CNTNAP4: variants seen among roughly 807,000 people sequenced by gnomAD.
The protein encoded by CNTNAP4 is contactin-associated protein-like 4.
Under a neutral mutation model 148.4 loss-of-function variants are expected in CNTNAP4, and 98 were observed. The observed-to-expected ratio is 0.66, with a 90% CI of 0.56 to 0.78. CNTNAP4 has a LOEUF of 0.78. Ranked by LOEUF, CNTNAP4 falls within the 30% of genes least tolerant of loss-of-function variation. The pLI, the probability that CNTNAP4 is intolerant of heterozygous loss-of-function variation, is 0.00. For synonymous variants in CNTNAP4, 730 were observed against 565.1 expected (o/e 1.29, Z -4.14); for missense variants, 1,935 against 1,565.6 (o/e 1.24, Z -3.98).
chr16:76,369,630 C>T (rs139820270), intron 3 of CNTNAP4, among the ~76,000 whole-genome samples: 184 of 152,240 alleles, frequency 1.2e-3, no homozygotes, highest in African/African-American at 3.8e-3. Context: ...TTACTTGAGC[C>T]CAGAAGTTCA....
At chr16:76,383,467 C>G (rs991176837) in intron 3 of CNTNAP4, among the ~76,000 whole-genome samples, 5 of 141,188 alleles carry the variant, frequency 3.5e-5, no homozygotes, top group African/African-American at 1.3e-4. Context: ...CATTATAGAA[C>G]AAATGGGGCC....
intron 23 of CNTNAP4, among the ~76,000 whole-genome samples, chr16:76,556,105 T>C (rs1268466883): frequency 2.0e-5 from 3 of 152,178 alleles, no homozygotes; most frequent in African/African-American, 7.2e-5. Context: ...AATCCCCCTA[T>C]GTTCTACATC....
intron 3 of CNTNAP4, among the ~76,000 whole-genome samples, chr16:76,364,267 G>GA (rs2013833775): frequency 2.1e-5 from 2 of 95,858 alleles, no homozygotes; most frequent in African/African-American, 7.4e-5. Flanking sequence ...AAACAGAAAA[G>GA]AAAAAATATA....
At chr16:76,408,305 T>C (rs984082728) in intron 3 of CNTNAP4, among the ~76,000 whole-genome samples, 1 of 147,968 alleles carries the variant, frequency 6.8e-6, no homozygotes, top group Non-Finnish European at 1.5e-5. Flanking sequence ...TATTAGCTTG[T>C]AAATTACTAA....
chr16:76,546,708 C>T (rs2084750503), intron 21 of CNTNAP4, among the ~76,000 whole-genome samples: 1 of 152,132 alleles, frequency 6.6e-6, no homozygotes, highest in Non-Finnish European at 1.5e-5. Flanking sequence ...TGTAGAAAAC[C>T]TGTCTTCCTT....
intron 4 of CNTNAP4, among the ~76,000 whole-genome samples, chr16:76,436,541 C>A (rs1299265896): frequency 6.6e-6 from 1 of 152,110 alleles, no homozygotes; most frequent in Non-Finnish European, 1.5e-5. Context: ...AGATTTGAGA[C>A]CCACTATCTG....
At chr16:76,378,384 T>C (rs2015638870) in intron 3 of CNTNAP4, among the ~76,000 whole-genome samples, 2 of 152,240 alleles carry the variant, frequency 1.3e-5, no homozygotes, top group African/African-American at 2.4e-5. Flanking sequence ...ACATGTTCTT[T>C]GTAGTAGCCT....
intron 17 of CNTNAP4, among the ~76,000 whole-genome samples, chr16:76,526,007 A>G (rs553662285): frequency 1.7e-4 from 26 of 152,062 alleles, no homozygotes; most frequent in African/African-American, 5.5e-4. Flanking sequence ...GCTCATATAT[A>G]TATACATTTT....
chr16:76,299,187 A>G lies in CNTNAP4; in HGVS notation c.86-17226A>G, dbSNP rs549304817. 3.9e-5 allele frequency among the ~76,000 whole-genome samples: 6 copies of G among 152,336 alleles called. No homozygotes were observed. The East Asian group carries it at 1.2e-3, about 29-fold the overall frequency. ...CTAAAGAGCTTCTGCACAGCAAAAG[A>G]AACTACCATCAGAGTGAACAGGCAA... On this transcript the variant is annotated intron_variant, in intron 1 of 23. Coordinates refer to ENST00000611870, the MANE Select transcript of CNTNAP4 (RefSeq NM_033401.5).
chr16:76,316,138 A>G (rs890321242), intron 1 of CNTNAP4: 9 of 479,290 alleles, frequency 1.9e-5, no homozygotes, highest in Non-Finnish European at 3.3e-5. Context: ...TGAATCTTTT[A>G]TAATGAGGTA....
At chr16:76,538,093 A>AATAT in intron 18 of CNTNAP4, 23 bp from the exon 19 acceptor site, 2 of 1,052,168 alleles carry the variant, frequency 1.9e-6, no homozygotes, top group South Asian at 2.9e-5. Flanking sequence ...TTTTAACAAA[A>AATAT]ATATATATAT....
chr16:76,353,717 G>A (rs1161296476), intron 2 of CNTNAP4, among the ~76,000 whole-genome samples: 1 of 152,026 alleles, frequency 6.6e-6, no homozygotes, highest in East Asian at 1.9e-4. Context: ...CTGTCCTCTG[G>A]TGCATCCCCA....
intron 10 of CNTNAP4, 121 bp downstream of exon 10, chr16:76,467,644 G>T (rs1276654167): frequency 3.6e-6 from 3 of 829,774 alleles, no homozygotes; most frequent in African/African-American, 1.8e-5. Context: ...CACAGGAAAT[G>T]AATTATATTT....
chr16:76,298,166 T>C (rs1040574011), intron 1 of CNTNAP4, among the ~76,000 whole-genome samples: 3 of 152,140 alleles, frequency 2.0e-5, no homozygotes, highest in African/African-American at 7.2e-5. Flanking sequence ...GCTAGGGTCT[T>C]ATACAGGGTG....
At chr16:76,485,034 A>G (rs763488187) in intron 12 of CNTNAP4, among the ~76,000 whole-genome samples, 2 of 152,234 alleles carry the variant, frequency 1.3e-5, no homozygotes, top group Non-Finnish European at 2.9e-5. Flanking sequence ...TTCTTTGTAA[A>G]CAGTTTTCCA....
rs1302355658 is a variant in CNTNAP4 at position 76,317,265 on chromosome 16, CA to C, written c.196+753del. Among the ~76,000 whole-genome samples, 246 of 44,342 alleles carry C rather than the reference CA, an allele frequency of 5.5e-3. 1 individual carries two copies. Among genetic ancestry groups the C allele is most frequent in the South Asian group, 0.03 (49 of 1,628 alleles). The allele number at this position is 44,342 out of a possible 152,430, so 29.1% of individuals were successfully genotyped here. Reference sequence around the variant, plus strand: ...GAGACCCTGTCTCAAAAAAAAAAAACAAAAAAAAAAACCAAAAAAAAAAAAA... The same window carrying C: ...GAGACCCTGTCTCAAAAAAAAAAAACAAAAAAAAAACCAAAAAAAAAAAAA... On this transcript the variant is annotated intron_variant, in intron 2 of 23. Transcript: ENST00000611870.
In CNTNAP4 at chr16:76,277,556, C is replaced by T. The variant is rs1958521937; in HGVS notation, c.-107C>T. 2.8e-6 allele frequency: 2 copies of T among 709,550 alleles called. No individual in the cohort carries two copies. The highest frequency in any genetic ancestry group is 5.0e-6 in the Non-Finnish European group (2 of 403,588). The allele number at this position is 709,550 out of a possible 1,614,324, so 44.0% of individuals were successfully genotyped here. A position where few individuals can be genotyped will look rare whatever the true frequency, so the allele number is the denominator to read the frequency against. ...GGAAGGGAGGGGGAGAGACAGAGAC[C>T]TAGAGGGGCTGAAGACCCAGACAGA... On this transcript the variant is annotated 5_prime_UTR_variant, in exon 1 of 24. Transcript: ENST00000611870.
intron 2 of CNTNAP4, among the ~76,000 whole-genome samples, chr16:76,321,373 A>G (rs1014404669): frequency 2.7e-4 from 41 of 152,344 alleles, no homozygotes; most frequent in African/African-American, 9.9e-4. Flanking sequence ...GCTTCATTAA[A>G]TCTTCCAAGA....
At chr16:76,336,354 C>T (rs986890626) in intron 2 of CNTNAP4, among the ~76,000 whole-genome samples, 4 of 152,176 alleles carry the variant, frequency 2.6e-5, no homozygotes, top group African/African-American at 7.2e-5. Context: ...CTTCCCAGCT[C>T]AGCATTATCA....
Sources: allele counts gnomAD v4.1 joint callset (sites outside exome capture counted in the v4.1 genomes callset), GRCh38; gene constraint gnomAD v4.1.1; transcripts MANE v1.5; gene names NCBI Gene and HGNC (gene_info 2026-07-23, HGNC 2026-07-21).